The following KIF26B variants were observed in gnomAD, a reference collection of about 807,000 sequenced individuals.
The protein encoded by KIF26B is kinesin-like protein KIF26B.
Under a neutral mutation model 151.2 loss-of-function variants are expected in KIF26B, and 63 were observed. The observed-to-expected ratio is 0.42, with a 90% CI of 0.34 to 0.51. The LOEUF (loss-of-function observed/expected upper bound fraction) is 0.51, where lower values mean the gene tolerates loss of function less well. Ranked by LOEUF, KIF26B falls within the 20% of genes least tolerant of loss-of-function variation. The pLI is 0.07. For missense variants in KIF26B, 2,813 were observed against 2,913.6 expected, an observed-to-expected ratio of 0.97 and a Z score of 0.79; for synonymous variants, 1,357 against 1,262.1, an observed-to-expected ratio of 1.08 and a Z score of -1.59.
intron 9 of KIF26B, among the ~76,000 whole-genome samples, chr1:245,634,433 TTTACC>T (rs1483492737): frequency 6.6e-6 from 1 of 152,202 alleles, no homozygotes; most frequent in Admixed American, 6.5e-5. Flanking sequence ...CATTTAGTCT[TTTACC>T]ATTAAGTATG....
At position 245,434,810 on chromosome 1, in the gene KIF26B, G is replaced by A. The variant is rs865813332; in HGVS notation, c.1166+15065G>A. ...TTGTCTGTGTCCATAACCTGCTTGA[G>A]AACACAGACTCTGGTATCTTCCTTC... is the stretch of plus-strand genomic sequence containing the variant. On this transcript the variant is annotated intron_variant, in intron 4 of 14. Coordinates refer to ENST00000407071, the MANE Select transcript of KIF26B (RefSeq NM_018012.4). Among the ~76,000 whole-genome samples the A allele has an allele frequency of 3.9e-4, 59 of 152,110 alleles. 1 individual carries two copies. The highest frequency in any genetic ancestry group is 5.9e-4 in the Admixed American group (9 of 15,274).
chr1:245,199,054 AT>A (rs899371377), intron 2 of KIF26B, among the ~76,000 whole-genome samples: 2 of 129,412 alleles, frequency 1.5e-5, no homozygotes, highest in Non-Finnish European at 3.3e-5. Context: ...CACTTCATTC[AT>A]TTTACAGATG....
intron 14 of KIF26B, among the ~76,000 whole-genome samples, chr1:245,699,402 C>G (rs2147968974): frequency 6.7e-6 from 1 of 150,316 alleles, no homozygotes; most frequent in Admixed American, 6.7e-5. Flanking sequence ...CTGAAATAGA[C>G]AAGAATTTAT....
chr1:245,242,739 T>C (rs1370425586), intron 2 of KIF26B, among the ~76,000 whole-genome samples: 1 of 152,050 alleles, frequency 6.6e-6, no homozygotes, highest in Non-Finnish European at 1.5e-5. Context: ...GCATCCTCTG[T>C]CTCCCGGGTT....
chr1:245,344,088 C>T (rs1286195649), intron 2 of KIF26B, among the ~76,000 whole-genome samples: 1 of 150,170 alleles, frequency 6.7e-6, no homozygotes, highest in Non-Finnish European at 1.5e-5. Flanking sequence ...TCGCTGCCTC[C>T]CTCCCTCCCT....
At chr1:245,480,564 A>G (rs1348428452) in intron 4 of KIF26B, among the ~76,000 whole-genome samples, 5 of 151,680 alleles carry the variant, frequency 3.3e-5, no homozygotes, top group African/African-American at 9.7e-5. Context: ...TAACCAGTAC[A>G]TCAAGAGTTG....
chr1:245,464,578 TGTGC>T (rs1337505461), intron 4 of KIF26B, among the ~76,000 whole-genome samples: 3 of 138,662 alleles, frequency 2.2e-5, no homozygotes, highest in Non-Finnish European at 4.6e-5. Context: ...TGTGGGTGTG[TGTGC>T]ACGTGTGTGG....
In KIF26B at chr1:245,156,666, G is replaced by A. The variant is rs1668441555; in HGVS notation, c.448G>A (p.Gly150Arg). ...GCAGGCCCTGAGGTTGCTCCTCCCG[G>A]GGCCCTTCCCGGGCAAGGTGAGCGC... ...KRQALRLLLP[G>R]PFPGKDPAFS... is the part of the protein sequence containing the mutation. Residue 150 changes from glycine (G) to arginine (R), a missense_variant, in exon 2 of 15, where the codon GGG becomes AGG. Physicochemically the swap from Gly to Arg is moderately radical, Grantham distance 125. Transcript: ENST00000407071. 6 of 1,501,830 alleles carry A rather than the reference G, an allele frequency of 4.0e-6. No homozygotes were observed. Among genetic ancestry groups the A allele is most frequent in the Non-Finnish European group, 5.3e-6 (6 of 1,132,882 alleles). 93.0% of individuals were successfully genotyped at this position (1,501,830 alleles called of 1,614,324 possible).
intron 5 of KIF26B, among the ~76,000 whole-genome samples, chr1:245,586,305 C>A (rs1476811472): frequency 2.0e-5 from 3 of 152,064 alleles, no homozygotes; most frequent in Admixed American, 2.0e-4. Context: ...CAGGCATGAG[C>A]CACCTGGCCC....
At chr1:245,701,177 G>T (rs1284235173) in intron 14 of KIF26B, among the ~76,000 whole-genome samples, 1 of 152,084 alleles carries the variant, frequency 6.6e-6, no homozygotes. Flanking sequence ...GAAAGAAAAT[G>T]AACAGAAAGC....
At chr1:245,436,176 C>CAAA (rs1190717376) in intron 4 of KIF26B, among the ~76,000 whole-genome samples, 1 of 107,614 alleles carries the variant, frequency 9.3e-6, no homozygotes, top group African/African-American at 3.4e-5. Flanking sequence ...GACTCTGTCT[C>CAAA]AAAAAAAAAA....
chr1:245,399,830 G>A (rs757931028), intron 3 of KIF26B, among the ~76,000 whole-genome samples: 4 of 152,014 alleles, frequency 2.6e-5, no homozygotes, highest in Admixed American at 6.6e-5. Flanking sequence ...CCTAACACTC[G>A]CAGGCTATCA....
At chr1:245,462,880 GAATA>G (rs752204073) in intron 4 of KIF26B, among the ~76,000 whole-genome samples, 1 of 122,476 alleles carries the variant, frequency 8.2e-6, no homozygotes, top group Non-Finnish European at 1.8e-5. Flanking sequence ...ATGAATGAAT[GAATA>G]AGACCTGAAG....
At chr1:245,404,502 G>A (rs1315317660) in intron 3 of KIF26B, among the ~76,000 whole-genome samples, 1 of 152,144 alleles carries the variant, frequency 6.6e-6, no homozygotes, top group Non-Finnish European at 1.5e-5. Flanking sequence ...CTCACAATAA[G>A]CTAGTTGGTA....
chr1:245,310,239 A>T (rs778351652), intron 2 of KIF26B, among the ~76,000 whole-genome samples: 1 of 151,954 alleles, frequency 6.6e-6, no homozygotes, highest in Non-Finnish European at 1.5e-5. Context: ...CAAACATTCC[A>T]TATGCCAAGA....
intron 5 of KIF26B, among the ~76,000 whole-genome samples, chr1:245,586,228 G>C (rs549466624): frequency 6.6e-6 from 1 of 151,536 alleles, no homozygotes; most frequent in Non-Finnish European, 1.5e-5. Flanking sequence ...GTCTTGCTAT[G>C]TTGCTGATTT....
intron 10 of KIF26B, chr1:245,673,831 G>A (rs532731238): frequency 2.0e-5 from 3 of 152,340 alleles, no homozygotes; most frequent in Non-Finnish European, 4.4e-5. Context: ...ACCAGGCTGG[G>A]GCAGGATTTC....
In KIF26B at chr1:245,368,048, C is replaced by T. The variant is rs997328490; in HGVS notation, c.999+681C>T. Among the ~76,000 whole-genome samples the T allele has an allele frequency of 4.6e-5, 7 of 152,140 alleles. 1 individual carries two copies. Among genetic ancestry groups the T allele is most frequent in the South Asian group, 4.1e-4 (2 of 4,830 alleles). On this transcript the variant is annotated intron_variant, in intron 3 of 14. Coordinates refer to ENST00000407071, the MANE Select transcript of KIF26B (RefSeq NM_018012.4). ...TGGACATTGCTGAGAATAAAATATA[C>T]GAAGGAACAGTGATCCGTGTTGGCA...
In KIF26B at chr1:245,244,850, T is replaced by C. The variant is rs1316952145; in HGVS notation, c.465+88167T>C. Reference sequence around the variant, plus strand: ...TCCTGTTATTCCTATGAACGATTCCTTCTGTTCTTCTAAGTCCCTTCTACT... The same window carrying C: ...TCCTGTTATTCCTATGAACGATTCCCTCTGTTCTTCTAAGTCCCTTCTACT... On this transcript the variant is annotated intron_variant, in intron 2 of 14. Coordinates refer to ENST00000407071, the MANE Select transcript of KIF26B (RefSeq NM_018012.4). The surrounding 1 kb of genome is among the most constrained non-coding windows in gnomAD (Gnocchi z 4.2). Among the ~76,000 whole-genome samples the C allele has an allele frequency of 6.6e-6, 1 of 151,778 alleles. No individual in the cohort carries two copies. Among genetic ancestry groups the C allele is most frequent in the Admixed American group, 6.6e-5 (1 of 15,228 alleles).
Sources: gnomAD v4.1 joint callset for allele counts (sites outside exome capture counted in the v4.1 genomes callset) on GRCh38, gnomAD v4.1.1 for gene constraint, Gnocchi (gnomAD v3.1) non-coding constraint, MANE v1.5 for transcripts, NCBI Gene and HGNC (gene_info 2026-07-23, HGNC 2026-07-21) for gene names.